Variants in USP45 observed in about 807,000 individuals in gnomAD.
USP45 encodes ubiquitin carboxyl-terminal hydrolase 45.
Under a neutral mutation model 95.8 loss-of-function variants are expected in USP45, and 89 were observed. The ratio of observed to expected loss-of-function variants is 0.93; its 90% CI spans 0.78 to 1.11. The LOEUF (loss-of-function observed/expected upper bound fraction) is 1.11, where lower values mean the gene tolerates loss of function less well. USP45 is among the 50% of genes least tolerant of loss of function. USP45 has a pLI of 0.00. For missense variants in USP45, 898 were observed against 942.5 expected (o/e 0.95, Z 0.62); for synonymous variants, 281 against 316.2 (o/e 0.89, Z 1.18).
chr6:99,511,841 GTGTGTATATA>G (rs1400476518), intron 1 of USP45, among the ~76,000 whole-genome samples: 6,375 of 133,400 alleles, frequency 0.048, 329 homozygotes, highest in African/African-American at 0.093. Flanking sequence ...GTATGTGAGT[GTGTGTATATA>G]TATATATATA....
chr6:99,472,253 C>A (rs576388169), intron 9 of USP45, among the ~76,000 whole-genome samples: 1 of 144,206 alleles, frequency 6.9e-6, no homozygotes, highest in Admixed American at 7.1e-5. Context: ...TGTCTCACTC[C>A]CTCACCCAGT....
intron 13 of USP45, among the ~76,000 whole-genome samples, chr6:99,449,302 T>G (rs1223640296): frequency 6.6e-6 from 1 of 151,334 alleles, no homozygotes; most frequent in East Asian, 1.9e-4. Flanking sequence ...ACACATAGAC[T>G]CAAAATAAAA....
At chr6:99,484,556 T>C (rs1261799077) in intron 7 of USP45, among the ~76,000 whole-genome samples, 1 of 152,080 alleles carries the variant, frequency 6.6e-6, no homozygotes, top group Non-Finnish European at 1.5e-5. Context: ...CTCCACACTT[T>C]GGGAGGCCAA....
At chr6:99,440,901 A>C (rs1640415666) in intron 15 of USP45, among the ~76,000 whole-genome samples, 1 of 152,158 alleles carries the variant, frequency 6.6e-6, no homozygotes, top group Admixed American at 6.5e-5. Context: ...TGTTCTCCTC[A>C]ATCAGTACTT....
intron 4 of USP45, among the ~76,000 whole-genome samples, chr6:99,506,931 C>T (rs903453905): frequency 9.8e-5 from 15 of 152,318 alleles, no homozygotes; most frequent in East Asian, 7.7e-4. Flanking sequence ...AAAGGCTGGG[C>T]GCAGTGGCTC....
At chr6:99,493,891 G>A (rs1284052496) in intron 5 of USP45, among the ~76,000 whole-genome samples, 1 of 152,054 alleles carries the variant, frequency 6.6e-6, no homozygotes, top group East Asian at 1.9e-4. Context: ...TTTCAATCTG[G>A]CAGTGCAAAC....
In USP45 at chr6:99,432,427, G is replaced by A. The variant is rs1326002609; in HGVS notation, c.*3289C>T. ...AATAACGTAAACTGTGAAAATTCCA[G>A]GACCAATCTTGTAACATGAGATAAA... is the stretch of plus-strand genomic sequence containing the variant. On this transcript the variant is annotated 3_prime_UTR_variant, in exon 18 of 18. Transcript: ENST00000500704. 6.6e-6 allele frequency: 1 copy of A among 152,024 alleles called. No homozygotes were observed. The highest frequency in any genetic ancestry group is 1.5e-5 in the Non-Finnish European group (1 of 68,030). 9.4% of individuals were successfully genotyped at this position (152,024 alleles called of 1,614,324 possible). A position where few individuals can be genotyped will look rare whatever the true frequency, so the allele number is the denominator to read the frequency against.
At chr6:99,495,793 T>C (rs904961749) in intron 5 of USP45, among the ~76,000 whole-genome samples, 1 of 152,182 alleles carries the variant, frequency 6.6e-6, no homozygotes, top group African/African-American at 2.4e-5. Flanking sequence ...TTAGTCATAG[T>C]TTGTAGCAGT....
chr6:99,488,299 A>G lies in USP45; in HGVS notation c.619-4T>C. On this transcript the variant is annotated splice_polypyrimidine_tract_variant and splice_region_variant and intron_variant, in intron 6 of 17. Transcript: ENST00000500704. The stretch of plus-strand genomic sequence containing the variant: ...GAGTATAAGTCTGTGCCAAGTTCTA[A>G]AAGAAAACAAAATTAAAGTCTTCAG... 1 of 1,580,360 alleles carries G rather than the reference A, an allele frequency of 6.3e-7. No homozygotes were observed. The highest frequency in any genetic ancestry group is 8.6e-7 in the Non-Finnish European group (1 of 1,159,926).
chr6:99,507,358 A>T, intron 4 of USP45, 70 bp downstream of exon 4: 1 of 767,062 alleles, frequency 1.3e-6, no homozygotes, highest in Non-Finnish European at 2.0e-6. Flanking sequence ...TTTACCTTAA[A>T]AGCTTAAAGA....
chr6:99,505,518 T>G (rs990710197), intron 4 of USP45, among the ~76,000 whole-genome samples: 1 of 151,228 alleles, frequency 6.6e-6, no homozygotes, highest in Admixed American at 6.6e-5. Context: ...ATACAAAAAT[T>G]AGCAGGGCGT....
chr6:99,501,962 C>A lies in USP45; in HGVS notation c.478+1803G>T, dbSNP rs114905313. 2,065 of 1,302,918 alleles carry A rather than the reference C, an allele frequency of 1.6e-3. 33 individuals are homozygous for A. In the African/African-American group the frequency reaches 0.027, roughly 17 times the overall value. 80.7% of individuals were successfully genotyped at this position (1,302,918 alleles called of 1,614,324 possible). A position where few individuals can be genotyped will look rare whatever the true frequency, so the allele number is the denominator to read the frequency against. On this transcript the variant is annotated intron_variant, in intron 5 of 17. Coordinates refer to ENST00000500704, the MANE Select transcript of USP45 (RefSeq NM_001346022.3). The stretch of plus-strand genomic sequence containing the variant: ...TATCAACAAACTGACTCACTGTGGG[C>A]CCCTAGACAGTTTATGCTGAAGAGA...
At chr6:99,511,886 T>C (rs9376239) in intron 1 of USP45, among the ~76,000 whole-genome samples, 74,718 of 142,338 alleles carry the variant, frequency 0.52, 20,918 homozygotes, top group Middle Eastern at 0.69. Flanking sequence ...TATATATATA[T>C]ACACATAGTT....
rs146779308 is a variant in USP45, at chr6:99,508,622, C to G, written c.261G>C (p.Lys87Asn). 1 of 1,611,948 alleles carries G rather than the reference C, an allele frequency of 6.2e-7. No homozygotes were observed. The highest frequency in any genetic ancestry group is 8.5e-7 in the Non-Finnish European group (1 of 1,179,508). ...ATACTTTTCTTACCTGGAAGCCACA[C>G]TTGAGGCACAACCAAATATCAGAAG... ...VLTSDIWLCL[K>N]CGFQGCGKNS... The change falls in exon 3 of 18, where the codon AAG (lysine) becomes AAC (asparagine). Residue 87 changes from lysine to asparagine, a missense_variant. Lys to Asn is a moderately conservative substitution (Grantham distance 94, BLOSUM62 0). Coordinates refer to ENST00000500704, the MANE Select transcript of USP45 (RefSeq NM_001346022.3).
chr6:99,471,906 C>T (rs747468410), intron 9 of USP45, among the ~76,000 whole-genome samples: 3 of 152,114 alleles, frequency 2.0e-5, no homozygotes, highest in South Asian at 2.1e-4. Flanking sequence ...GGACTGTCCT[C>T]GCTTATGAAA....
At chr6:99,504,991 C>T (rs1252237379) in intron 4 of USP45, among the ~76,000 whole-genome samples, 1 of 152,128 alleles carries the variant, frequency 6.6e-6, no homozygotes, top group Non-Finnish European at 1.5e-5. Flanking sequence ...ACAACAACAA[C>T]TGAAGCTGGT....
At chr6:99,494,775 TC>T (rs1795938411) in intron 5 of USP45, among the ~76,000 whole-genome samples, 2 of 152,060 alleles carry the variant, frequency 1.3e-5, no homozygotes, top group African/African-American at 4.8e-5. Flanking sequence ...TTGCCTGTAG[TC>T]CAAGCTACTC....
At chr6:99,445,106 T>C (rs1449174623) in intron 14 of USP45, among the ~76,000 whole-genome samples, 1 of 152,168 alleles carries the variant, frequency 6.6e-6, no homozygotes, top group East Asian at 1.9e-4. Flanking sequence ...TCTTCAAAAT[T>C]TATCTTACGT....
At chr6:99,466,525 A>G in intron 11 of USP45, 147 bp downstream of exon 11, 2 of 642,736 alleles carry the variant, frequency 3.1e-6, no homozygotes, top group Non-Finnish European at 5.5e-6. Flanking sequence ...CTAGGAGTGT[A>G]GCGTATAAAA....
Sources: gnomAD v4.1 joint callset for allele counts (sites outside exome capture counted in the v4.1 genomes callset) on GRCh38, gnomAD v4.1.1 for gene constraint, MANE v1.5 for transcripts, NCBI Gene and HGNC (gene_info 2026-07-23, HGNC 2026-07-21) for gene names.